The following ASIC2 variants were observed in gnomAD, a reference collection of about 807,000 sequenced individuals.
ASIC2 encodes acid-sensing ion channel 2.
A neutral mutation model predicts 57.3 loss-of-function variants in ASIC2; 25 were observed. That is an observed-to-expected ratio of 0.44 (90% CI 0.32 to 0.61). ASIC2 has a LOEUF of 0.61. Ranked by LOEUF, ASIC2 falls within the 20% of genes least tolerant of loss-of-function variation. The pLI is 0.06. For missense variants in ASIC2, 641 were observed against 738.1 expected (o/e 0.87, Z 1.52); for synonymous variants, 319 against 307.5 (o/e 1.04, Z -0.39).
At chr17:33,983,668 A>C (rs1191360245) in intron 1 of ASIC2, among the ~76,000 whole-genome samples, 2 of 152,102 alleles carry the variant, frequency 1.3e-5, no homozygotes, top group African/African-American at 4.8e-5. Context: ...ACCCTGGTGC[A>C]TTTTGCTTGG....
chr17:33,741,202 A>T (rs186451768), intron 1 of ASIC2, among the ~76,000 whole-genome samples: 2 of 152,216 alleles, frequency 1.3e-5, no homozygotes, highest in Admixed American at 1.3e-4. Context: ...GTTTTCTGGT[A>T]CCCCTTGTTA....
chr17:33,896,710 C>T (rs1056873841), intron 1 of ASIC2, among the ~76,000 whole-genome samples: 1 of 152,236 alleles, frequency 6.6e-6, no homozygotes, highest in African/African-American at 2.4e-5. Flanking sequence ...GGGCATCTCA[C>T]TAATCTGAAT....
intron 3 of ASIC2, among the ~76,000 whole-genome samples, chr17:33,059,098 T>A (rs1248141771): frequency 6.6e-6 from 1 of 152,058 alleles, no homozygotes; most frequent in African/African-American, 2.4e-5. Context: ...CACAAAACTA[T>A]ATGCGGAAAA....
Position 33,054,787 on chromosome 17 carries a change from G to A in ASIC2, c.988-26395C>T, listed in dbSNP as rs902155643. On this transcript the variant is annotated intron_variant, in intron 3 of 9. Coordinates refer to ENST00000225823, the MANE Select transcript of ASIC2 (RefSeq NM_183377.2). Reference sequence around the variant, plus strand: ...GTAAGATGTCCTATTTATTGACCCTGATGAGAAATGGGTGTGATCAATTAT... The same window carrying A: ...GTAAGATGTCCTATTTATTGACCCTAATGAGAAATGGGTGTGATCAATTAT... 5.9e-5 allele frequency among the ~76,000 whole-genome samples: 9 copies of A among 152,354 alleles called. No homozygotes were observed. In the East Asian group the frequency reaches 7.7e-4, roughly 13 times the overall value.
At position 33,697,293 on chromosome 17, in the gene ASIC2, T is replaced by C. The variant is rs140927033; in HGVS notation, c.555+458685A>G. On this transcript the variant is annotated intron_variant, in intron 1 of 9. Transcript: ENST00000359872. ...TTATAGCAATGTGAGAACAGACTAATACATGGATCATCATAAAGATCTTCA... is the reference window on the plus strand; with the variant it reads ...TTATAGCAATGTGAGAACAGACTAACACATGGATCATCATAAAGATCTTCA... Among the ~76,000 whole-genome samples, 15 of 152,336 alleles carry C rather than the reference T, an allele frequency of 9.8e-5. No individual in the cohort carries two copies. The East Asian group carries it at 2.1e-3, about 22-fold the overall frequency.
At chr17:33,231,677 C>T (rs532764820) in intron 1 of ASIC2, among the ~76,000 whole-genome samples, 2 of 152,196 alleles carry the variant, frequency 1.3e-5, no homozygotes, top group South Asian at 4.2e-4. Flanking sequence ...GATCAGGGTT[C>T]TGGAACTGCT....
At chr17:33,393,943 G>T (rs1204089899) in intron 1 of ASIC2, among the ~76,000 whole-genome samples, 1 of 152,190 alleles carries the variant, frequency 6.6e-6, no homozygotes, top group Non-Finnish European at 1.5e-5. Context: ...ATGTAATCTT[G>T]GGCAAGTTTA....
At chr17:33,739,790 A>C (rs962297460) in intron 1 of ASIC2, among the ~76,000 whole-genome samples, 2 of 151,914 alleles carry the variant, frequency 1.3e-5, no homozygotes, top group African/African-American at 4.8e-5. Flanking sequence ...GAAACAAAAG[A>C]AAGAAGAAAG....
intron 1 of ASIC2, among the ~76,000 whole-genome samples, chr17:33,788,925 G>T (rs1911685110): frequency 6.6e-6 from 1 of 152,028 alleles, no homozygotes; most frequent in South Asian, 2.1e-4. Context: ...TGAGGGGAGA[G>T]AACTTAGATG....
At chr17:33,963,046 G>A (rs138805322) in intron 1 of ASIC2, among the ~76,000 whole-genome samples, 270 of 152,204 alleles carry the variant, frequency 1.8e-3, no homozygotes, top group African/African-American at 5.8e-3. Context: ...CCAGGTTCCC[G>A]GAAACATATG....
At chr17:33,759,987 T>C (rs1052924941) in intron 1 of ASIC2, among the ~76,000 whole-genome samples, 3 of 152,170 alleles carry the variant, frequency 2.0e-5, no homozygotes, top group Non-Finnish European at 4.4e-5. Context: ...CCCCTTGACC[T>C]TGGACTTCCC....
chr17:33,050,675 G>A (rs982876493), intron 3 of ASIC2, among the ~76,000 whole-genome samples: 1 of 152,162 alleles, frequency 6.6e-6, no homozygotes, highest in Admixed American at 6.5e-5. Context: ...GATGCAAACT[G>A]TTAGACCATG....
intron 8 of ASIC2, among the ~76,000 whole-genome samples, chr17:33,016,370 C>T (rs1015223810): frequency 6.6e-6 from 1 of 152,154 alleles, no homozygotes; most frequent in African/African-American, 2.4e-5. Flanking sequence ...TCAGGAGCAG[C>T]CTTGGGACCC....
At chr17:33,112,997 A>T (rs961121779) in intron 1 of ASIC2, among the ~76,000 whole-genome samples, 33 of 152,302 alleles carry the variant, frequency 2.2e-4, no homozygotes, top group African/African-American at 7.9e-4. Context: ...GTCCAGCAGC[A>T]TCCACTGGAA....
intron 1 of ASIC2, among the ~76,000 whole-genome samples, chr17:33,676,533 A>G (rs1264407830): frequency 2.0e-5 from 3 of 152,268 alleles, no homozygotes; most frequent in African/African-American, 4.8e-5. Flanking sequence ...AAGATCAAAC[A>G]TGCCCAACAT....
chr17:33,919,000 C>A (rs1164538616), intron 1 of ASIC2, among the ~76,000 whole-genome samples: 1 of 152,120 alleles, frequency 6.6e-6, no homozygotes, highest in African/African-American at 2.4e-5. Flanking sequence ...TTTGTGATGA[C>A]CTGGGGTGAA....
At chr17:33,058,350 A>G (rs1431250987) in intron 3 of ASIC2, among the ~76,000 whole-genome samples, 1 of 151,946 alleles carries the variant, frequency 6.6e-6, no homozygotes, top group Non-Finnish European at 1.5e-5. Context: ...GTTTGGTAAG[A>G]GTAGATTTCC....
intron 1 of ASIC2, among the ~76,000 whole-genome samples, chr17:34,120,723 TTTTTTTTTTTTTTTTC>T (rs1911590432): frequency 1.2e-4 from 4 of 33,136 alleles, no homozygotes; most frequent in Admixed American, 3.1e-4. Flanking sequence ...GGGGTCCTTC[TTTTTTTTTTTTTTTTC>T]TTTTTTTTTT....
chr17:34,085,931 T>G (rs986692395), intron 1 of ASIC2, among the ~76,000 whole-genome samples: 2 of 151,854 alleles, frequency 1.3e-5, no homozygotes, highest in Non-Finnish European at 2.9e-5. Flanking sequence ...TTCTCTCGTT[T>G]TTTCTTTATT....
Sources: allele counts gnomAD v4.1 joint callset (sites outside exome capture counted in the v4.1 genomes callset), GRCh38; gene constraint gnomAD v4.1.1; transcripts MANE v1.5; gene names NCBI Gene and HGNC (gene_info 2026-07-23, HGNC 2026-07-21).